Variants in FBXL7 observed in about 807,000 individuals in gnomAD.
FBXL7 encodes F-box/LRR-repeat protein 7.
A neutral mutation model predicts 38.3 loss-of-function variants in FBXL7; 12 were observed. That is an observed-to-expected ratio of 0.31 (90% CI 0.20 to 0.51). FBXL7 has a LOEUF of 0.51. FBXL7 is among the 20% of genes least tolerant of loss of function. FBXL7 has a pLI of 0.98. For synonymous variants in FBXL7, 297 were observed against 300.9 expected (o/e 0.99, Z 0.13); for missense variants, 567 against 676.4 (o/e 0.84, Z 1.79).
At chr5:15,866,602 C>T (rs904380207) in intron 2 of FBXL7, among the ~76,000 whole-genome samples, 15 of 151,974 alleles carry the variant, frequency 9.9e-5, no homozygotes, top group African/African-American at 3.4e-4. Context: ...GTTACATAGG[C>T]ATATGTGTGC....
intron 2 of FBXL7, among the ~76,000 whole-genome samples, chr5:15,902,028 C>G (rs953626143): frequency 2.0e-5 from 3 of 152,188 alleles, no homozygotes; most frequent in Non-Finnish European, 4.4e-5. Context: ...ACACTCCACT[C>G]CTCTCATGCT....
intron 2 of FBXL7, among the ~76,000 whole-genome samples, chr5:15,626,905 T>A (rs1469302593): frequency 1.3e-5 from 2 of 152,208 alleles, no homozygotes; most frequent in Non-Finnish European, 2.9e-5. Flanking sequence ...TTAAAGAATA[T>A]AGTCCAAATA....
intron 1 of FBXL7, among the ~76,000 whole-genome samples, chr5:15,593,440 C>A (rs774753776): frequency 3.9e-5 from 6 of 152,072 alleles, no homozygotes; most frequent in Non-Finnish European, 8.8e-5. Flanking sequence ...AGGAGAATTG[C>A]TTGAACCCAG....
At position 15,720,710 on chromosome 5, in the gene FBXL7, A is replaced by G. The variant is rs147795755; in HGVS notation, c.127+104638A>G. Among the ~76,000 whole-genome samples the G allele has an allele frequency of 6.5e-3, 966 of 148,258 alleles. 86 individuals carry two copies. The highest frequency in any genetic ancestry group is 0.054 in the Middle Eastern group (15 of 278). Reference sequence around the variant, plus strand: ...AGAAATATGTAACAGCTTTGTAACAATGACATCATCAGCTACCATATGTAT... The same window carrying G: ...AGAAATATGTAACAGCTTTGTAACAGTGACATCATCAGCTACCATATGTAT... On this transcript the variant is annotated intron_variant, in intron 2 of 3. Coordinates refer to ENST00000504595, the MANE Select transcript of FBXL7 (RefSeq NM_012304.5).
chr5:15,781,941 A>G (rs1737004965), intron 2 of FBXL7, among the ~76,000 whole-genome samples: 1 of 152,156 alleles, frequency 6.6e-6, no homozygotes, highest in Non-Finnish European at 1.5e-5. Flanking sequence ...TCAACCCGTC[A>G]TCTACATTAG....
intron 2 of FBXL7, among the ~76,000 whole-genome samples, chr5:15,654,711 G>A (rs1401890486): frequency 6.6e-6 from 1 of 152,128 alleles, no homozygotes; most frequent in African/African-American, 2.4e-5. Flanking sequence ...CTGTAGCACT[G>A]AACTATGAGA....
At chr5:15,897,818 A>G (rs750604287) in intron 2 of FBXL7, among the ~76,000 whole-genome samples, 14 of 152,164 alleles carry the variant, frequency 9.2e-5, no homozygotes, top group Non-Finnish European at 1.5e-4. Context: ...GATGTTGCGT[A>G]AGGGATCAGT....
At chr5:15,570,172 C>T (rs1345047581) in intron 1 of FBXL7, among the ~76,000 whole-genome samples, 10 of 152,134 alleles carry the variant, frequency 6.6e-5, no homozygotes, top group South Asian at 6.2e-4. Flanking sequence ...ATGGTACCAG[C>T]TCCTCCTTGT....
intron 1 of FBXL7, among the ~76,000 whole-genome samples, chr5:15,533,160 C>A (rs1013496701): frequency 2.0e-5 from 3 of 152,116 alleles, no homozygotes; most frequent in Non-Finnish European, 4.4e-5. Flanking sequence ...TGTTGGAAAT[C>A]ACTAGATTAC....
At chr5:15,901,456 A>T (rs1741231986) in intron 2 of FBXL7, among the ~76,000 whole-genome samples, 1 of 152,230 alleles carries the variant, frequency 6.6e-6, no homozygotes, top group South Asian at 2.1e-4. Context: ...TCAGGTTTCA[A>T]CACATGAATT....
chr5:15,864,492 T>C (rs1160523038), intron 2 of FBXL7, among the ~76,000 whole-genome samples: 1 of 151,948 alleles, frequency 6.6e-6, no homozygotes, highest in Admixed American at 6.6e-5. Flanking sequence ...AGCCCTGTCA[T>C]TGATATTCTA....
intron 1 of FBXL7, among the ~76,000 whole-genome samples, chr5:15,579,644 A>G (rs199940074): frequency 2.6e-5 from 4 of 152,148 alleles, no homozygotes; most frequent in Admixed American, 2.6e-4. Flanking sequence ...GACTTAAGCA[A>G]CAGCCATTGT....
intron 1 of FBXL7, among the ~76,000 whole-genome samples, chr5:15,597,495 TAAAAAAA>T (rs35742221): frequency 8.7e-5 from 10 of 114,912 alleles, no homozygotes; most frequent in East Asian, 2.5e-4. Flanking sequence ...TATCATTTTG[TAAAAAAA>T]AAAAAAAAAA....
intron 1 of FBXL7, among the ~76,000 whole-genome samples, chr5:15,594,071 A>G (rs1739551312): frequency 6.6e-6 from 1 of 152,234 alleles, no homozygotes; most frequent in African/African-American, 2.4e-5. Flanking sequence ...TCCAGTGCTC[A>G]CAATATGTTC....
intron 1 of FBXL7, among the ~76,000 whole-genome samples, chr5:15,578,923 G>T (rs1250729068): frequency 6.6e-6 from 1 of 152,168 alleles, no homozygotes; most frequent in Non-Finnish European, 1.5e-5. Context: ...TAAATTATTG[G>T]ACTGTTTTAG....
chr5:15,681,197 A>G (rs1742832504), intron 2 of FBXL7, among the ~76,000 whole-genome samples: 1 of 152,198 alleles, frequency 6.6e-6, no homozygotes. Flanking sequence ...ATACCTTCTA[A>G]TTTTCAACCT....
intron 2 of FBXL7, among the ~76,000 whole-genome samples, chr5:15,637,003 A>G (rs1741208658): frequency 2.6e-5 from 4 of 152,160 alleles, no homozygotes; most frequent in Admixed American, 2.6e-4. Flanking sequence ...TGAATGACAC[A>G]GCCTTGTATT....
At chr5:15,545,646 A>G (rs927535876) in intron 1 of FBXL7, among the ~76,000 whole-genome samples, 2 of 152,134 alleles carry the variant, frequency 1.3e-5, no homozygotes, top group African/African-American at 4.8e-5. Flanking sequence ...TATTGAATGG[A>G]TATATCTGGC....
intron 2 of FBXL7, among the ~76,000 whole-genome samples, chr5:15,880,969 A>G (rs1048250801): frequency 6.6e-6 from 1 of 151,968 alleles, no homozygotes; most frequent in Non-Finnish European, 1.5e-5. Context: ...AAACTGAGAC[A>G]CAGAAAGATT....
Sources: gnomAD v4.1 joint callset for allele counts (sites outside exome capture counted in the v4.1 genomes callset) on GRCh38, gnomAD v4.1.1 for gene constraint, MANE v1.5 for transcripts, NCBI Gene and HGNC (gene_info 2026-07-23, HGNC 2026-07-21) for gene names.